NT5C3A: variants seen among roughly 807,000 people sequenced by gnomAD.
The protein encoded by NT5C3A is cytosolic 5'-nucleotidase 3A.
In NT5C3A, 23 loss-of-function variants were observed where a neutral mutation model predicts 40.0. That is an observed-to-expected ratio of 0.58 (90% CI 0.41 to 0.81). The LOEUF (loss-of-function observed/expected upper bound fraction) is 0.81, where lower values mean the gene tolerates loss of function less well. Ranked by LOEUF, NT5C3A falls within the 40% of genes least tolerant of loss-of-function variation. NT5C3A has a pLI of 0.00. For missense variants in NT5C3A, 328 were observed against 403.0 expected (o/e 0.81, Z 1.59); for synonymous variants, 130 against 141.4 (o/e 0.92, Z 0.57).
intron 5 of NT5C3A, 89 bp from the exon 6 acceptor site, chr7:33,019,813 A>G: frequency 1.3e-6 from 1 of 784,602 alleles, no homozygotes; most frequent in South Asian, 1.4e-5. Flanking sequence ...CCATGTGAGA[A>G]AATCTGTTCC....
intron 1 of NT5C3A, among the ~76,000 whole-genome samples, chr7:33,042,292 T>C (rs1042771210): frequency 6.6e-6 from 1 of 151,826 alleles, no homozygotes; most frequent in Non-Finnish European, 1.5e-5. Context: ...ATTGCGCCAC[T>C]GCACTCCAGC....
At chr7:33,021,015 G>GT (rs1785596199) in intron 5 of NT5C3A, among the ~76,000 whole-genome samples, 1 of 151,954 alleles carries the variant, frequency 6.6e-6, no homozygotes, top group African/African-American at 2.4e-5. Flanking sequence ...AAAAATTCTT[G>GT]TTTTTAATTT....
chr7:33,040,552 T>C (rs1189954653), intron 1 of NT5C3A, among the ~76,000 whole-genome samples: 3 of 152,202 alleles, frequency 2.0e-5, no homozygotes, highest in East Asian at 1.9e-4. Flanking sequence ...AACAACCAAA[T>C]TGAATCTTAG....
intron 1 of NT5C3A, among the ~76,000 whole-genome samples, chr7:33,061,250 G>A (rs963251291): frequency 3.3e-5 from 5 of 152,184 alleles, no homozygotes; most frequent in Non-Finnish European, 7.3e-5. Flanking sequence ...TGAAACTTCT[G>A]AGTTAAAACC....
chr7:33,033,480 G>C (rs1347002876), intron 1 of NT5C3A, among the ~76,000 whole-genome samples: 1 of 152,156 alleles, frequency 6.6e-6, no homozygotes, highest in East Asian at 1.9e-4. Context: ...AGTGTGTGAA[G>C]CCGCTCTGTA....
chr7:33,027,510 G>A (rs1397212089), intron 1 of NT5C3A, among the ~76,000 whole-genome samples: 2 of 152,058 alleles, frequency 1.3e-5, no homozygotes, highest in East Asian at 3.9e-4. Flanking sequence ...AGCAATGCAC[G>A]CTTACCACAG....
intron 1 of NT5C3A, among the ~76,000 whole-genome samples, chr7:33,032,213 C>T (rs890751358): frequency 3.3e-5 from 5 of 151,806 alleles, no homozygotes; most frequent in Non-Finnish European, 5.9e-5. Flanking sequence ...CACCAGAGGT[C>T]GGGAGTTCGA....
intron 1 of NT5C3A, among the ~76,000 whole-genome samples, chr7:33,053,117 C>T (rs555259998): frequency 1.3e-5 from 2 of 152,208 alleles, no homozygotes; most frequent in African/African-American, 4.8e-5. Flanking sequence ...TATTGGTAAC[C>T]GAGGTGAAGA....
chr7:33,023,944 T>G lies in NT5C3A; in HGVS notation c.307+95A>C, dbSNP rs547359574. Reference sequence around the variant, plus strand: ...CCTCACTGTCAATGTCCAAGAAGAATTTTAAAAACCCAGTTATCTCACAGG... The same window carrying G: ...CCTCACTGTCAATGTCCAAGAAGAAGTTTAAAAACCCAGTTATCTCACAGG... On this transcript the variant is annotated intron_variant, in intron 3 of 8. Transcript: ENST00000610140. 9 of 786,026 alleles carry G rather than the reference T, an allele frequency of 1.1e-5. No homozygotes were observed. In the East Asian group the frequency reaches 2.4e-4, roughly 21 times the overall value. 48.7% of individuals were successfully genotyped at this position (786,026 alleles called of 1,614,324 possible). A position where few individuals can be genotyped will look rare whatever the true frequency, so the allele number is the denominator to read the frequency against.
intron 1 of NT5C3A, among the ~76,000 whole-genome samples, chr7:33,032,870 T>G (rs1022015772): frequency 2.6e-5 from 4 of 152,142 alleles, no homozygotes; most frequent in Non-Finnish European, 5.9e-5. Flanking sequence ...CCTCCCACCT[T>G]AGCCTCCAGA....
At chr7:33,049,876 G>A (rs1296089491) in intron 1 of NT5C3A, among the ~76,000 whole-genome samples, 1 of 148,810 alleles carries the variant, frequency 6.7e-6, no homozygotes, top group Non-Finnish European at 1.5e-5. Flanking sequence ...AGGCTGAGGC[G>A]AGAGAATGGC....
In NT5C3A at chr7:33,021,361, G is replaced by C; in HGVS notation, c.355-4C>G. 2.5e-6 allele frequency: 4 copies of C among 1,609,320 alleles called. No individual in the cohort carries two copies. The highest frequency in any genetic ancestry group is 3.4e-6 in the Non-Finnish European group (4 of 1,176,912). The stretch of plus-strand genomic sequence containing the variant: ...ATTTTTCCTTTAGTTGCAATAACTA[G>C]GAAGATATGAATAACTTAATCATGA... On this transcript the variant is annotated splice_region_variant and splice_polypyrimidine_tract_variant and intron_variant, in intron 4 of 8. Transcript: ENST00000610140.
intron 1 of NT5C3A, among the ~76,000 whole-genome samples, chr7:33,035,685 A>G (rs1489687142): frequency 1.3e-5 from 2 of 152,278 alleles, no homozygotes; most frequent in Admixed American, 1.3e-4. Flanking sequence ...AAGAAAATTT[A>G]GCGTAAAAAG....
intron 1 of NT5C3A, among the ~76,000 whole-genome samples, chr7:33,033,082 C>G (rs1377121372): frequency 6.6e-6 from 1 of 152,104 alleles, no homozygotes; most frequent in African/African-American, 2.4e-5. Flanking sequence ...TTAGTATTAT[C>G]CTACATTTTT....
In NT5C3A at chr7:33,019,939, A is replaced by G. The variant is rs142826367; in HGVS notation, c.441-215T>C. Among the ~76,000 whole-genome samples the G allele has an allele frequency of 6.0e-3, 916 of 152,332 alleles. 9 individuals are homozygous for G. The highest frequency in any genetic ancestry group is 0.021 in the African/African-American group (873 of 41,586). On this transcript the variant is annotated intron_variant, in intron 5 of 8. Coordinates refer to ENST00000610140, the MANE Select transcript of NT5C3A (RefSeq NM_001002010.5). ...AGTTTCCCAGTCCTCCCAAACCCAG[A>G]CTTAGCTTAAATATGTTAGTAAGGT... is the stretch of plus-strand genomic sequence containing the variant.
At chr7:33,032,578 C>G (rs1786340400) in intron 1 of NT5C3A, among the ~76,000 whole-genome samples, 1 of 151,078 alleles carries the variant, frequency 6.6e-6, no homozygotes, top group Non-Finnish European at 1.5e-5. Flanking sequence ...ACCTCAGACT[C>G]TCAAGTAACT....
intron 1 of NT5C3A, chr7:33,035,968 A>C: frequency 6.2e-7 from 1 of 1,613,390 alleles, no homozygotes; most frequent in South Asian, 1.1e-5. Context: ...TTGATTAGTC[A>C]TTTCTTGGTT....
At chr7:33,053,552 T>C (rs1787453388) in intron 1 of NT5C3A, among the ~76,000 whole-genome samples, 1 of 80,150 alleles carries the variant, frequency 1.2e-5, no homozygotes, top group Non-Finnish European at 2.5e-5. Context: ...TCCCAGCTAC[T>C]TGGGAGGCTG....
chr7:33,036,378 C>T, intron 1 of NT5C3A: 1 of 265,326 alleles, frequency 3.8e-6, no homozygotes, highest in Non-Finnish European at 7.5e-6. Flanking sequence ...CTGCTGGTGA[C>T]CCATCTTGCT....
Sources: gnomAD v4.1 joint callset for allele counts (sites outside exome capture counted in the v4.1 genomes callset) on GRCh38, gnomAD v4.1.1 for gene constraint, MANE v1.5 for transcripts, NCBI Gene and HGNC (gene_info 2026-07-23, HGNC 2026-07-21) for gene names.